The following PPRC1 variants were observed in gnomAD, a reference collection of about 807,000 sequenced individuals.
PPRC1 encodes the protein peroxisome proliferator-activated receptor gamma coactivator-related protein 1.
PPRC1 carries 23 observed loss-of-function variants against 132.5 expected under a neutral mutation model. The ratio of observed to expected loss-of-function variants is 0.17; its 90% CI spans 0.12 to 0.25. The LOEUF (loss-of-function observed/expected upper bound fraction) is 0.25. Ranked by LOEUF, PPRC1 falls within the 10% of genes least tolerant of loss-of-function variation. The probability of loss-of-function intolerance (pLI) is 1.00; values close to 1 mark genes in which losing one functional copy is unlikely to be tolerated. For missense variants in PPRC1, 2,006 were observed against 2,089.1 expected (o/e 0.96, Z 0.78); for synonymous variants, 872 against 833.5 (o/e 1.05, Z -0.80).
At chr10:102,143,619 A>G (rs2069094921) in intron 6 of PPRC1, among the ~76,000 whole-genome samples, 1 of 149,496 alleles carries the variant, frequency 6.7e-6, no homozygotes, top group South Asian at 2.1e-4. Context: ...AAAAAAAAAA[A>G]GGAATCCAAG....
intron 1 of PPRC1, among the ~76,000 whole-genome samples, chr10:102,135,366 A>G (rs995250179): frequency 7.2e-5 from 11 of 151,942 alleles, no homozygotes; most frequent in African/African-American, 2.2e-4. Flanking sequence ...AGCTATATAT[A>G]TATATATTTT....
intron 3 of PPRC1, 55 bp from the exon 4 acceptor site, chr10:102,138,824 C>G (rs2068822014): frequency 6.2e-7 from 1 of 1,611,886 alleles, no homozygotes; most frequent in Non-Finnish European, 8.5e-7. Flanking sequence ...GCCTGTGGAC[C>G]TACTCATATA....
At chr10:102,128,682 G>T (rs923107927), upstream of PPRC1, among the ~76,000 whole-genome samples, 8 of 149,044 alleles carry the variant, frequency 5.4e-5, no homozygotes, top group Non-Finnish European at 1.0e-4. Flanking sequence ...GTGCAATCTC[G>T]GCTCACTGCA....
Position 102,148,656 on chromosome 10 carries a change from T to G in PPRC1, c.4579T>G (p.Tyr1527Asp), listed in dbSNP as rs764371276. The G allele has an allele frequency of 1.9e-6, 3 of 1,614,078 alleles. No individual in the cohort carries two copies. The African/African-American group carries it at 4.0e-5, about 22-fold the overall frequency. ...CAGCTCTTATCGTTCACATGACCATTACCAAAGGCAAAGAGTGCTACAAAA... is the reference window on the plus strand; with the variant it reads ...CAGCTCTTATCGTTCACATGACCATGACCAAAGGCAAAGAGTGCTACAAAA... ...RYSSYRSHDHYQRQRVLQKER... is the reference protein window; with the variant it reads ...RYSSYRSHDHDQRQRVLQKER... The change falls in exon 11 of 14, where the codon TAC (tyrosine) becomes GAC (aspartate). Residue 1527 changes from tyrosine (Y) to aspartate (D), a missense_variant. Transcript: ENST00000278070. This position sits in a 1 kb window ranked among gnomAD's most constrained non-coding sequence, Gnocchi z 4.2.
chr10:102,134,852 G>T (rs75709864), intron 1 of PPRC1, among the ~76,000 whole-genome samples: 6,699 of 152,236 alleles, frequency 0.044, 220 homozygotes, highest in Admixed American at 0.074. Flanking sequence ...AATAGCACAG[G>T]GAGAGTCAGG....
In PPRC1 at chr10:102,141,470, C is replaced by T; in HGVS notation, c.2962C>T (p.Pro988Ser). ...TYGPLGWGPG[P>S]QHAPFWSTVP... ...TGGGCCCTTGGGATGGGGCCCAGGG[C>T]CTCAACATGCTCCATTCTGGTCTAC... The change falls in exon 5 of 14, where the codon CCT becomes TCT. Residue 988 changes from proline to serine, a missense_variant. Around this residue, in one of 2 missense-constraint regions of PPRC1, gnomAD observed 1,914 missense variants for 1,917.2 expected, o/e 1.00. Transcript: ENST00000278070. 3 of 1,613,846 alleles carry T rather than the reference C, an allele frequency of 1.9e-6. No homozygotes were observed. The highest frequency in any genetic ancestry group is 1.7e-6 in the Non-Finnish European group (2 of 1,179,976).
the PPRC1 span, chr10:102,120,217 C>G: frequency 1.0e-6 from 1 of 993,622 alleles, no homozygotes; most frequent in Non-Finnish European, 1.2e-6. Context: ...CCGCTGCGCT[C>G]GCCGCCGGCC....
chr10:102,126,154 G>A, the PPRC1 span, among the ~76,000 whole-genome samples: 2 of 151,934 alleles, frequency 1.3e-5, no homozygotes, highest in African/African-American at 2.4e-5. Flanking sequence ...GAGCCACCGC[G>A]CCCGGCTTGG....
rs61751509 is a variant in PPRC1, at chr10:102,148,623, G to A, written c.4551-5G>A. The A allele has an allele frequency of 5.4e-3, 8,659 of 1,614,112 alleles. 37 individuals are homozygous for A. The highest frequency in any genetic ancestry group is 6.2e-3 in the Non-Finnish European group (7,374 of 1,179,998). On this transcript the variant is annotated splice_polypyrimidine_tract_variant and splice_region_variant and intron_variant, in intron 10 of 13. Coordinates refer to ENST00000278070, the MANE Select transcript of PPRC1 (RefSeq NM_015062.5). The surrounding 1 kb of genome is among the most constrained non-coding windows in gnomAD (Gnocchi z 4.2). ...TGGGGGGCTGATGACACCCTCTTTTGTCAGGTACAGCTCTTATCGTTCACA... is the reference window on the plus strand; with the variant it reads ...TGGGGGGCTGATGACACCCTCTTTTATCAGGTACAGCTCTTATCGTTCACA...
chr10:102,121,589 A>G, the PPRC1 span, among the ~76,000 whole-genome samples: 1 of 152,202 alleles, frequency 6.6e-6, no homozygotes, highest in African/African-American at 2.4e-5. Flanking sequence ...TGCCTCATAA[A>G]CAGGAAATAC....
rs540333098 is a variant in PPRC1, at chr10:102,138,450, T to TG, written c.343-167dup. Among the ~76,000 whole-genome samples the TG allele has an allele frequency of 2.8e-3, 429 of 152,300 alleles. 1 individual carries two copies. The highest frequency in any genetic ancestry group is 9.8e-3 in the African/African-American group (409 of 41,570). On this transcript the variant is annotated intron_variant, in intron 2 of 13. Transcript: ENST00000278070. Reference sequence around the variant, plus strand: ...GGTCTCTGTTGACACCAAGAGCTGGTGGATGGTAGCTGAGATTGGAATCCA... The same window carrying TG: ...GGTCTCTGTTGACACCAAGAGCTGGTGGGATGGTAGCTGAGATTGGAATCCA...
Position 102,147,315 on chromosome 10 carries a change from TTCCTCA to T in PPRC1, c.4332_4337del (p.Ser1450_Ser1451del). ...GGTCCAACCGGACTAGCGAAGCATC[TTCCTCA>T]TCCTCATCATCGTCTTCCTCATCCC... On this transcript the variant is annotated inframe_deletion, in exon 9 of 14. Transcript: ENST00000278070. 6.2e-7 allele frequency: 1 copy of T among 1,612,500 alleles called. No individual in the cohort carries two copies. The highest frequency in any genetic ancestry group is 8.5e-7 in the Non-Finnish European group (1 of 1,180,012).
chr10:102,146,397 T>C (rs1201692947), intron 8 of PPRC1, among the ~76,000 whole-genome samples: 2 of 152,012 alleles, frequency 1.3e-5, no homozygotes, highest in African/African-American at 4.8e-5. Flanking sequence ...GATCTGAGAA[T>C]GGAGAGCTTA....
In PPRC1 at chr10:102,148,866, G is replaced by A. The variant is rs370946381; in HGVS notation, c.4667G>A (p.Arg1556Gln). The change falls in exon 12 of 14, where the codon CGA becomes CAA. Residue 1556 changes from arginine (R) to glutamine (Q), a missense_variant. Physicochemically the swap from Arg to Gln is conservative, Grantham distance 43. Coordinates refer to ENST00000278070, the MANE Select transcript of PPRC1 (RefSeq NM_015062.5). The surrounding 1 kb of genome is among the most constrained non-coding windows in gnomAD (Gnocchi z 4.2). ...GGAAAGATACCTGGCCGCATGACTC[G>A]ATCAGAGCTGAAACAGAGGTTCTCC... ...FIGKIPGRMT[R>Q]SELKQRFSVF... 37 of 1,614,026 alleles carry A rather than the reference G, an allele frequency of 2.3e-5. No homozygotes were observed. Among genetic ancestry groups the A allele is most frequent in the Admixed American group, 3.3e-5 (2 of 60,002 alleles).
intron 9 of PPRC1, 120 bp downstream of exon 9, chr10:102,147,512 T>C: frequency 7.5e-7 from 1 of 1,330,094 alleles, no homozygotes; most frequent in Non-Finnish European, 1.0e-6. Flanking sequence ...CTTCTATTTC[T>C]GACTTTGGCT....
chr10:102,125,451 G>A, the PPRC1 span, among the ~76,000 whole-genome samples: 1 of 151,790 alleles, frequency 6.6e-6, no homozygotes, highest in Admixed American at 6.6e-5. Flanking sequence ...GTAGAGACGG[G>A]GTTTCACCAT....
chr10:102,129,079 G>C (rs969427800), upstream of PPRC1, among the ~76,000 whole-genome samples: 8 of 149,428 alleles, frequency 5.4e-5, no homozygotes, highest in Admixed American at 6.7e-5. Flanking sequence ...ACAGGCGCCC[G>C]CCACCACGCC....
intron 13 of PPRC1, 41 bp from the exon 14 acceptor site, chr10:102,149,885 A>C (rs1450218114): frequency 6.8e-7 from 1 of 1,464,332 alleles, no homozygotes; most frequent in Non-Finnish European, 9.6e-7. Context: ...GTGGTTGGGA[A>C]GTGTGGTCAG....
chr10:102,138,611 T>TGGAGCAGAGCAGGTTATCTCTGGA lies in PPRC1; in HGVS notation c.343-4_362dup, dbSNP rs1318994077. ...TGGTAGGACCTTCTGGTTGTTTTTC[T>TGGAGCAGAGCAGGTTATCTCTGGA]GGAGCAGAGCAGGTTATCTCTGGAG... On this transcript the variant is annotated splice_polypyrimidine_tract_variant and splice_region_variant and intron_variant, in intron 2 of 13. Coordinates refer to ENST00000278070, the MANE Select transcript of PPRC1 (RefSeq NM_015062.5). 1.2e-6 allele frequency: 2 copies of TGGAGCAGAGCAGGTTATCTCTGGA among 1,613,664 alleles called. No individual in the cohort carries two copies. The highest frequency in any genetic ancestry group is 1.7e-6 in the Non-Finnish European group (2 of 1,179,724).
Sources: gnomAD v4.1 joint callset for allele counts (sites outside exome capture counted in the v4.1 genomes callset) on GRCh38, gnomAD v4.1.1 for gene constraint, gnomAD v4.1.1 regional missense constraint, Gnocchi (gnomAD v3.1) non-coding constraint, MANE v1.5 for transcripts, NCBI Gene and HGNC (gene_info 2026-07-23, HGNC 2026-07-21) for gene names.